WWTR1: variants seen among roughly 807,000 people sequenced by gnomAD.
WWTR1 encodes WW domain containing transcription regulator 1.
A neutral mutation model predicts 40.1 loss-of-function variants in WWTR1; 13 were observed. The observed-to-expected ratio is 0.32, with a 90% CI of 0.21 to 0.52. The LOEUF is 0.52. WWTR1 is among the 20% of genes least tolerant of loss of function. WWTR1 has a pLI of 0.97. For synonymous variants in WWTR1, 230 were observed against 210.1 expected, an observed-to-expected ratio of 1.09 and a Z score of -0.82; for missense variants, 436 against 523.1, an observed-to-expected ratio of 0.83 and a Z score of 1.63.
At chr3:149,718,830 A>AT (rs35647871) in intron 4 of WWTR1, among the ~76,000 whole-genome samples, 103 of 148,934 alleles carry the variant, frequency 6.9e-4, no homozygotes, top group Middle Eastern at 7.0e-3. Flanking sequence ...CTTCTTCTTC[A>AT]TTTTTTTTTT....
intron 5 of WWTR1, among the ~76,000 whole-genome samples, chr3:149,715,730 T>A (rs796858006): frequency 6.6e-6 from 1 of 152,240 alleles, no homozygotes; most frequent in Non-Finnish European, 1.5e-5. Context: ...TTCATACATA[T>A]ACCTCACATA....
At chr3:149,558,134 T>C (rs1247584518) in intron 3 of WWTR1, among the ~76,000 whole-genome samples, 1 of 152,084 alleles carries the variant, frequency 6.6e-6, no homozygotes, top group Non-Finnish European at 1.5e-5. Flanking sequence ...GAGAAACTTG[T>C]AAACCTGTGA....
intron 2 of WWTR1, among the ~76,000 whole-genome samples, chr3:149,647,182 C>A (rs1381929645): frequency 6.6e-6 from 1 of 152,108 alleles, no homozygotes; most frequent in African/African-American, 2.4e-5. Flanking sequence ...AAAACTAGTG[C>A]TCTGGGGAGG....
rs1463015953 is a variant in WWTR1, at chr3:149,594,954, T to C, written c.432-21954A>G. ...TTGCCTATAACCTCTTTTTTACTTT[T>C]TTTTTTTTTTTTTTTTTTTTTTTTT... On this transcript the variant is annotated intron_variant, in intron 2 of 6. Coordinates refer to ENST00000360632, the MANE Select transcript of WWTR1 (RefSeq NM_015472.6). 6.6e-3 allele frequency among the ~76,000 whole-genome samples: 653 copies of C among 98,572 alleles called. 36 individuals are homozygous for C. Among genetic ancestry groups the C allele is most frequent in the African/African-American group, 0.031 (585 of 19,170 alleles). 64.7% of individuals were successfully genotyped at this position (98,572 alleles called of 152,430 possible). A position where few individuals can be genotyped will look rare whatever the true frequency, so the allele number is the denominator to read the frequency against.
chr3:149,689,041 C>T (rs1225073447), intron 1 of WWTR1, among the ~76,000 whole-genome samples: 2 of 152,142 alleles, frequency 1.3e-5, no homozygotes, highest in Non-Finnish European at 2.9e-5. Flanking sequence ...AGCAGAATGG[C>T]TTAAACAGAA....
At chr3:149,630,990 C>T (rs912628547) in intron 2 of WWTR1, among the ~76,000 whole-genome samples, 3 of 152,140 alleles carry the variant, frequency 2.0e-5, no homozygotes, top group African/African-American at 7.2e-5. Flanking sequence ...AACAAATATT[C>T]TTTTGTTGAG....
At chr3:149,668,036 C>G (rs919547855) in intron 2 of WWTR1, among the ~76,000 whole-genome samples, 3 of 152,170 alleles carry the variant, frequency 2.0e-5, no homozygotes, top group African/African-American at 7.2e-5. Flanking sequence ...ATAGATTGTA[C>G]AGCCTGGAGT....
intron 5 of WWTR1, among the ~76,000 whole-genome samples, chr3:149,709,554 A>G (rs1715427198): frequency 6.6e-6 from 1 of 152,176 alleles, no homozygotes; most frequent in African/African-American, 2.4e-5. Context: ...TGATTATAAC[A>G]GCTGCATTTT....
intron 6 of WWTR1, among the ~76,000 whole-genome samples, chr3:149,524,431 T>C (rs1157876348): frequency 6.6e-6 from 1 of 150,746 alleles, no homozygotes; most frequent in Non-Finnish European, 1.5e-5. Flanking sequence ...GTTTAGAAGA[T>C]GAAAGTAAAG....
chr3:149,702,229 GC>G (rs1165365437), intron 1 of WWTR1: 1 of 152,514 alleles, frequency 6.6e-6, no homozygotes, highest in African/African-American at 2.4e-5. Context: ...CCATATACTA[GC>G]AAGAATAAGC....
At position 149,520,817 on chromosome 3, in the gene WWTR1, T is replaced by C. The variant is rs770935304; in HGVS notation, c.1191A>G (p.Leu397=). The change falls in exon 7 of 7, where the codon CTA becomes CTG. Residue 397 remains leucine (L), a synonymous_variant. Coordinates refer to ENST00000360632, the MANE Select transcript of WWTR1 (RefSeq NM_015472.6). ...ACAATGGTAGTGATTACAGCCAGGT[T>C]AGAAAGGGCTCACTTTTGTTCAGAG... ...ESALNKSEPF[L]TWL is the part of the protein sequence containing the mutation. 7 of 1,594,784 alleles carry C rather than the reference T, an allele frequency of 4.4e-6. No individual in the cohort carries two copies. In the Admixed American group the frequency reaches 1.2e-4, roughly 28 times the overall value.
At chr3:149,612,430 T>C (rs779598119) in intron 2 of WWTR1, among the ~76,000 whole-genome samples, 3 of 152,004 alleles carry the variant, frequency 2.0e-5, no homozygotes, top group Non-Finnish European at 2.9e-5. Context: ...GGATCATCAT[T>C]ATTTTGCACT....
intron 2 of WWTR1, among the ~76,000 whole-genome samples, chr3:149,594,709 A>G (rs917189174): frequency 6.6e-6 from 1 of 150,682 alleles, no homozygotes; most frequent in Non-Finnish European, 1.5e-5. Context: ...ACTGGGGAAA[A>G]CAGACACACA....
intron 3 of WWTR1, among the ~76,000 whole-genome samples, chr3:149,543,597 A>AAAAAAG (rs1553789350): frequency 8.2e-5 from 12 of 146,644 alleles, no homozygotes; most frequent in South Asian, 6.6e-4. Flanking sequence ...AAAAAAAAAA[A>AAAAAAG]AAAAAAGAAC....
intron 2 of WWTR1, among the ~76,000 whole-genome samples, chr3:149,574,649 TCTC>T (rs1047143312): frequency 2.0e-5 from 3 of 152,276 alleles, no homozygotes; most frequent in Admixed American, 1.3e-4. Context: ...TTTCAGTCTG[TCTC>T]CTCATTTTTA....
intron 1 of WWTR1, among the ~76,000 whole-genome samples, chr3:149,691,387 T>C (rs1714822946): frequency 6.6e-6 from 1 of 151,314 alleles, no homozygotes; most frequent in African/African-American, 2.4e-5. Flanking sequence ...TCTTTTTTTT[T>C]TGAAAAGATA....
At chr3:149,533,338 T>G (rs545299079) in intron 4 of WWTR1, among the ~76,000 whole-genome samples, 33 of 152,298 alleles carry the variant, frequency 2.2e-4, no homozygotes, top group African/African-American at 7.7e-4. Context: ...CAGAGACCAA[T>G]CAGGATAGAG....
chr3:149,694,783 C>G (rs1329960894), intron 1 of WWTR1, among the ~76,000 whole-genome samples: 2 of 152,144 alleles, frequency 1.3e-5, no homozygotes. Flanking sequence ...AAAAAACTAC[C>G]ATATGATCCA....
chr3:149,716,778 G>A (rs1715615058), intron 5 of WWTR1, among the ~76,000 whole-genome samples: 1 of 151,952 alleles, frequency 6.6e-6, no homozygotes, highest in Non-Finnish European at 1.5e-5. Flanking sequence ...GTGTAGTTTA[G>A]GATATGTCCA....
Sources: allele counts gnomAD v4.1 joint callset (sites outside exome capture counted in the v4.1 genomes callset), GRCh38; gene constraint gnomAD v4.1.1; transcripts MANE v1.5; gene names NCBI Gene and HGNC (gene_info 2026-07-23, HGNC 2026-07-21).